NCOR1: variants seen among roughly 807,000 people sequenced by gnomAD.
The protein encoded by NCOR1 is protein phosphatase 1, regulatory subunit 109.
NCOR1 carries 63 observed loss-of-function variants against 288.1 expected under a neutral mutation model. That is an observed-to-expected ratio of 0.22 (90% CI 0.18 to 0.27). NCOR1 has a LOEUF of 0.27. Ranked by LOEUF, NCOR1 falls within the 10% of genes least tolerant of loss-of-function variation. The pLI, the probability that NCOR1 is intolerant of heterozygous loss-of-function variation, is 1.00. For missense variants in NCOR1, 2,397 were observed against 3,019.2 expected, an observed-to-expected ratio of 0.79 and a Z score of 4.83; for synonymous variants, 1,007 against 1,065.9, an observed-to-expected ratio of 0.94 and a Z score of 1.08.
intron 18 of NCOR1, among the ~76,000 whole-genome samples, chr17:16,114,029 G>C (rs778839974): frequency 6.0e-5 from 9 of 150,930 alleles, no homozygotes; most frequent in South Asian, 2.1e-4. Flanking sequence ...ACATACTTGA[G>C]ACTGGGAAGT....
intron 20 of NCOR1, among the ~76,000 whole-genome samples, chr17:16,100,638 CA>C (rs1445590896): frequency 2.7e-5 from 4 of 150,906 alleles, no homozygotes; most frequent in Non-Finnish European, 5.9e-5. Context: ...GACTCCGTCT[CA>C]AAAAAAGAAA....
chr17:16,095,114 A>C (rs1027471233), intron 21 of NCOR1, among the ~76,000 whole-genome samples: 3 of 146,342 alleles, frequency 2.0e-5, no homozygotes, highest in Admixed American at 2.0e-4. Context: ...CCACCTGGGA[A>C]GTGAGCAGCG....
chr17:16,160,397 G>A (rs2080590121), intron 5 of NCOR1, among the ~76,000 whole-genome samples: 1 of 151,914 alleles, frequency 6.6e-6, no homozygotes, highest in South Asian at 2.1e-4. Context: ...AATAAATTTA[G>A]CATAAGTCCA....
At chr17:16,040,254 G>A in intron 43 of NCOR1, 187 bp downstream of exon 43, 1 of 685,492 alleles carries the variant, frequency 1.5e-6, no homozygotes, top group South Asian at 1.5e-5. Flanking sequence ...CTTTTCAATA[G>A]GTATTTACTG....
rs1972022209 is a variant in NCOR1 at position 16,031,677 on chromosome 17, T to C, written c.*619A>G. The stretch of plus-strand genomic sequence containing the variant: ...TGTTACTTTTACCTTTTGACCCTAA[T>C]GTACAGATTTTATGACAGGGTCTGT... On this transcript the variant is annotated 3_prime_UTR_variant, in exon 46 of 46. Coordinates refer to ENST00000268712, the MANE Select transcript of NCOR1 (RefSeq NM_006311.4). 1 of 227,376 alleles carries C rather than the reference T, an allele frequency of 4.4e-6. No homozygotes were observed. The highest frequency in any genetic ancestry group is 5.7e-5 in the Admixed American group (1 of 17,586). The allele number at this position is 227,376 out of a possible 1,614,324, so 14.1% of individuals were successfully genotyped here. A position where few individuals can be genotyped will look rare whatever the true frequency, so the allele number is the denominator to read the frequency against.
At chr17:16,211,029 C>A (rs985497437) in intron 1 of NCOR1, among the ~76,000 whole-genome samples, 2 of 152,066 alleles carry the variant, frequency 1.3e-5, no homozygotes, top group East Asian at 3.9e-4. Flanking sequence ...CCGCGCCTGG[C>A]CGATTTTTAA....
intron 3 of NCOR1, among the ~76,000 whole-genome samples, chr17:16,176,502 C>T (rs1599953051): frequency 6.6e-6 from 1 of 152,282 alleles, no homozygotes; most frequent in East Asian, 1.9e-4. Flanking sequence ...CTCCTGACCT[C>T]AGGTGATATG....
chr17:16,152,108 C>T, intron 7 of NCOR1, 110 bp from the exon 8 acceptor site: 4 of 636,854 alleles, frequency 6.3e-6, no homozygotes, highest in Middle Eastern at 4.5e-4. Flanking sequence ...TGGATCTACA[C>T]AATAACATGC....
Position 16,073,624 on chromosome 17 carries a change from C to G in NCOR1, c.3671-55G>C, listed in dbSNP as rs1017680277. The G allele has an allele frequency of 9.9e-6, 14 of 1,420,644 alleles. No individual in the cohort carries two copies. The Admixed American group carries it at 2.1e-4, about 21-fold the overall frequency. 88.0% of individuals were successfully genotyped at this position (1,420,644 alleles called of 1,614,324 possible). On this transcript the variant is annotated intron_variant, in intron 27 of 45. Coordinates refer to ENST00000268712, the MANE Select transcript of NCOR1 (RefSeq NM_006311.4). ...GACGGAGCACATGGTATACAATGTA[C>G]AGTAAATAGGTTAGTTTCATAGTCT... is the stretch of plus-strand genomic sequence containing the variant.
intron 2 of NCOR1, among the ~76,000 whole-genome samples, chr17:16,193,717 T>G (rs1366958733): frequency 6.6e-6 from 1 of 152,062 alleles, no homozygotes; most frequent in Non-Finnish European, 1.5e-5. Context: ...CAACTAACAT[T>G]ACATGTAATA....
rs8067901 is a variant in NCOR1, at chr17:16,184,044, T to C, written c.242+2510A>G. 7.1e-3 allele frequency among the ~76,000 whole-genome samples: 1,076 copies of C among 152,266 alleles called. 12 individuals are homozygous for C. The highest frequency in any genetic ancestry group is 0.024 in the African/African-American group (1,002 of 41,568). ...ATATCCAGATGCAAAGGAATGAAAT[T>C]AGACCCTTGTTTTACAGCATATACA... On this transcript the variant is annotated intron_variant, in intron 3 of 45. Coordinates refer to ENST00000268712, the MANE Select transcript of NCOR1 (RefSeq NM_006311.4).
At chr17:16,127,666 T>A (rs868681783) in intron 14 of NCOR1, among the ~76,000 whole-genome samples, 1 of 145,870 alleles carries the variant, frequency 6.9e-6, no homozygotes, top group Non-Finnish European at 1.5e-5. Context: ...TATACATATA[T>A]GTATATATGT....
chr17:16,098,572 T>C, intron 20 of NCOR1, 76 bp from the exon 21 acceptor site: 1 of 1,329,788 alleles, frequency 7.5e-7, no homozygotes, highest in South Asian at 1.3e-5. Flanking sequence ...TAAGTTCTTC[T>C]AAGTTAGTAT....
chr17:16,124,920 T>C (rs2073730247), intron 15 of NCOR1, among the ~76,000 whole-genome samples: 1 of 152,234 alleles, frequency 6.6e-6, no homozygotes, highest in Admixed American at 6.5e-5. Context: ...CAATATATCC[T>C]GGAGGAAAGT....
chr17:16,130,202 G>C (rs2075383009), intron 14 of NCOR1, among the ~76,000 whole-genome samples: 1 of 152,208 alleles, frequency 6.6e-6, no homozygotes, highest in Non-Finnish European at 1.5e-5. Context: ...CCTCACCTTT[G>C]TGCAATATGC....
In NCOR1 at chr17:16,080,453, G is replaced by A. The variant is rs1466263076; in HGVS notation, c.3355C>T (p.Pro1119Ser). The change falls in exon 25 of 46, where the codon CCT (proline) becomes TCT (serine). Residue 1119 changes from proline (P) to serine (S), a missense_variant. Around this residue, in one of 11 missense-constraint regions of NCOR1, gnomAD observed 1,872 missense variants for 2,187.8 expected, o/e 0.86. Transcript: ENST00000268712. ...TGGGCCCTGACCAACAGACCCTCAGGTTGTGAGTTTTGGCTTCGGGGAGAA... is the reference window on the plus strand; with the variant it reads ...TGGGCCCTGACCAACAGACCCTCAGATTGTGAGTTTTGGCTTCGGGGAGAA... ...EFSPRSQNSQPEGLLVRAQHE... is the reference protein window; with the variant it reads ...EFSPRSQNSQSEGLLVRAQHE... 3.7e-6 allele frequency: 6 copies of A among 1,614,032 alleles called. No homozygotes were observed. In the Admixed American group the frequency reaches 1.0e-4, roughly 27 times the overall value.
chr17:16,199,214 AAAACACACACACAC>A (rs927213793), intron 1 of NCOR1, among the ~76,000 whole-genome samples: 7 of 111,748 alleles, frequency 6.3e-5, no homozygotes, highest in African/African-American at 2.4e-4. Flanking sequence ...GAAAAAAAAA[AAAACACACACACAC>A]ACACACACAC....
chr17:16,090,841 A>G (rs2065051619), intron 22 of NCOR1, among the ~76,000 whole-genome samples: 1 of 152,216 alleles, frequency 6.6e-6, no homozygotes, highest in African/African-American at 2.4e-5. Flanking sequence ...CCTATTTTAT[A>G]TTAAATAACC....
At chr17:16,191,955 T>C (rs1432524352) in intron 2 of NCOR1, 1 of 151,408 alleles carries the variant, frequency 6.6e-6, no homozygotes, top group East Asian at 1.9e-4. Context: ...CTACACTAAG[T>C]TCAGCATTTA....
Sources: allele counts gnomAD v4.1 joint callset (sites outside exome capture counted in the v4.1 genomes callset), GRCh38; gene constraint gnomAD v4.1.1; regional missense constraint gnomAD v4.1.1; transcripts MANE v1.5; gene names NCBI Gene and HGNC (gene_info 2026-07-23, HGNC 2026-07-21).